TLK1: variants seen among roughly 807,000 people sequenced by gnomAD.
TLK1 encodes tousled like kinase 1, also known as serine/threonine-protein kinase tousled-like 1.
In TLK1, 24 loss-of-function variants were observed where a neutral mutation model predicts 105.3. The ratio of observed to expected loss-of-function variants is 0.23; its 90% CI spans 0.17 to 0.32. The LOEUF is 0.32. Among genes scored for constraint, TLK1 ranks in the 10% least tolerant of loss-of-function variants. The pLI, the probability that TLK1 is intolerant of heterozygous loss-of-function variation, is 1.00. For missense variants in TLK1, 558 were observed against 910.5 expected, an observed-to-expected ratio of 0.61 and a Z score of 4.98; for synonymous variants, 321 against 310.4, an observed-to-expected ratio of 1.03 and a Z score of -0.36.
intron 1 of TLK1, among the ~76,000 whole-genome samples, chr2:171,187,932 A>G (rs993555380): frequency 5.9e-5 from 9 of 152,230 alleles, no homozygotes; most frequent in Non-Finnish European, 1.2e-4. Context: ...CTACAATAAA[A>G]AGAAACTTCA....
At chr2:171,202,344 C>A (rs192378574) in intron 1 of TLK1, among the ~76,000 whole-genome samples, 3 of 151,902 alleles carry the variant, frequency 2.0e-5, no homozygotes, top group Admixed American at 2.0e-4. Context: ...CCCAGCTACT[C>A]GGGAGGCTGA....
In TLK1 at chr2:171,139,159, G is replaced by T. The variant is rs557217515; in HGVS notation, c.139+21131C>A. Among the ~76,000 whole-genome samples the T allele has an allele frequency of 2.6e-5, 4 of 152,078 alleles. No individual in the cohort carries two copies. The East Asian group carries it at 7.7e-4, about 29-fold the overall frequency. On this transcript the variant is annotated intron_variant, in intron 1 of 20. Transcript: ENST00000431350. The stretch of plus-strand genomic sequence containing the variant: ...AAAATACCCAGCATTAAAGGAATAG[G>T]ATATATATATACACACACATATTAT...
intron 12 of TLK1, among the ~76,000 whole-genome samples, chr2:171,023,748 A>AT (rs1685643536): frequency 6.6e-6 from 1 of 152,182 alleles, no homozygotes; most frequent in African/African-American, 2.4e-5. Flanking sequence ...AAGGAAGTTG[A>AT]TTTTGCAGGG....
At chr2:171,128,752 G>A (rs1311115975) in intron 1 of TLK1, among the ~76,000 whole-genome samples, 1 of 151,204 alleles carries the variant, frequency 6.6e-6, no homozygotes, top group Non-Finnish European at 1.5e-5. Context: ...ACATGTACAT[G>A]TATATATATA....
At position 171,142,446 on chromosome 2, in the gene TLK1, TGC is replaced by T. The variant is rs879850739; in HGVS notation, c.139+17842_139+17843del. ...TGAAAGAATGGAAAAAGCTGTAGCATGCAAACACCAAATGAAAGTTAGTGTAT... is the reference window on the plus strand; with the variant it reads ...TGAAAGAATGGAAAAAGCTGTAGCATAAACACCAAATGAAAGTTAGTGTAT... On this transcript the variant is annotated intron_variant, in intron 1 of 20. Coordinates refer to ENST00000431350, the MANE Select transcript of TLK1 (RefSeq NM_012290.5). Among the ~76,000 whole-genome samples, 152 of 152,284 alleles carry T rather than the reference TGC, an allele frequency of 1.0e-3. 1 individual carries two copies. Among genetic ancestry groups the T allele is most frequent in the Middle Eastern group, 6.8e-3 (2 of 294 alleles).
Position 171,012,467 on chromosome 2 carries a change from C to G in TLK1, c.1335-1013G>C, listed in dbSNP as rs554935044. ...AAGTCAGCTTTGCAATACTAATACA[C>G]TGTATTTTTATTTATTTATTTATTT... On this transcript the variant is annotated intron_variant, in intron 13 of 20. Transcript: ENST00000431350. 1.4e-3 allele frequency among the ~76,000 whole-genome samples: 210 copies of G among 152,194 alleles called. 1 individual carries two copies. Among genetic ancestry groups the G allele is most frequent in the South Asian group, 2.3e-3 (11 of 4,826 alleles).
chr2:171,219,030 A>G lies in TLK1; in HGVS notation c.-6+12115T>C, dbSNP rs569294379. Among the ~76,000 whole-genome samples the G allele has an allele frequency of 1.6e-4, 25 of 152,320 alleles. No individual in the cohort carries two copies. In the South Asian group the frequency reaches 2.5e-3, roughly 15 times the overall value. ...AAAATAAGGTGCAAGAATATGCCCAAGATCACAATGATAGATTCAAATCCA... is the reference window on the plus strand; with the variant it reads ...AAAATAAGGTGCAAGAATATGCCCAGGATCACAATGATAGATTCAAATCCA... On this transcript the variant is annotated intron_variant, in intron 1 of 20. Transcript: ENST00000521943.
At chr2:171,158,706 A>G (rs546237360) in intron 1 of TLK1, among the ~76,000 whole-genome samples, 1 of 152,376 alleles carries the variant, frequency 6.6e-6, no homozygotes, top group South Asian at 2.1e-4. Flanking sequence ...AACTACAAAC[A>G]AAAGTAAAAG....
chr2:171,074,661 G>GA (rs1688421163), intron 3 of TLK1, among the ~76,000 whole-genome samples: 1 of 145,702 alleles, frequency 6.9e-6, no homozygotes, highest in African/African-American at 2.5e-5. Flanking sequence ...AAAGAAAGAA[G>GA]AAAAAACCAA....
chr2:171,073,221 A>G (rs1033435343), intron 3 of TLK1, among the ~76,000 whole-genome samples: 10 of 152,090 alleles, frequency 6.6e-5, no homozygotes. Context: ...CCCTTGTCTG[A>G]CTGCTCTAGC....
intron 1 of TLK1, among the ~76,000 whole-genome samples, chr2:171,197,396 C>G (rs58520241): frequency 0.026 from 3,941 of 152,168 alleles, 149 homozygotes; most frequent in South Asian, 0.11. Context: ...GATAACAGTA[C>G]AGAACTATAG....
At chr2:171,050,535 T>G (rs1192025362) in intron 8 of TLK1, among the ~76,000 whole-genome samples, 1 of 148,484 alleles carries the variant, frequency 6.7e-6, no homozygotes, top group Non-Finnish European at 1.5e-5. Context: ...GTATATAAAG[T>G]GTCTATCACT....
intron 2 of TLK1, among the ~76,000 whole-genome samples, chr2:171,099,114 G>T (rs1037400856): frequency 6.6e-6 from 1 of 152,038 alleles, no homozygotes; most frequent in Non-Finnish European, 1.5e-5. Context: ...AATACTAAAG[G>T]TAAATACAGT....
At chr2:171,090,519 T>C (rs1167822754) in intron 2 of TLK1, among the ~76,000 whole-genome samples, 3 of 152,242 alleles carry the variant, frequency 2.0e-5, no homozygotes. Context: ...ATTCTAAATG[T>C]AGTGAGGAAG....
At chr2:171,150,555 A>G (rs769805669) in intron 1 of TLK1, among the ~76,000 whole-genome samples, 12 of 152,190 alleles carry the variant, frequency 7.9e-5, no homozygotes, top group Non-Finnish European at 1.8e-4. Flanking sequence ...CCAGGTTCCA[A>G]TGATTGGTTA....
At chr2:171,067,175 T>C (rs1443625668) in intron 3 of TLK1, among the ~76,000 whole-genome samples, 1 of 151,576 alleles carries the variant, frequency 6.6e-6, no homozygotes, top group Non-Finnish European at 1.5e-5. Context: ...TTTTTTTTTT[T>C]CTGAGACAGA....
Position 171,103,264 on chromosome 2 carries a change from T to TTATATATATATATATATATATATATA in TLK1, c.258+14474_258+14475insTATATATATATATATATATATATATA, listed in dbSNP as rs571890429. On this transcript the variant is annotated intron_variant, in intron 2 of 20. Coordinates refer to ENST00000431350, the MANE Select transcript of TLK1 (RefSeq NM_012290.5). ...GTTAAGAAAAAAATTGATCTCAAATTTATATATATATATATATAATTTTTT... is the reference window on the plus strand; with the variant it reads ...GTTAAGAAAAAAATTGATCTCAAATTTATATATATATATATATATATATATATATATATATATATATATAATTTTTT... Among the ~76,000 whole-genome samples the TTATATATATATATATATATATATATA allele has an allele frequency of 4.0e-3, 539 of 136,272 alleles. 13 individuals are homozygous for TTATATATATATATATATATATATATA. Among genetic ancestry groups the TTATATATATATATATATATATATATA allele is most frequent in the Admixed American group, 6.6e-3 (92 of 13,858 alleles). 89.4% of individuals were successfully genotyped at this position (136,272 alleles called of 152,430 possible).
intron 1 of TLK1, among the ~76,000 whole-genome samples, chr2:171,186,102 T>C (rs551278276): frequency 4.6e-5 from 7 of 152,354 alleles, no homozygotes; most frequent in African/African-American, 1.4e-4. Context: ...CTTTCCTCCG[T>C]TGAACAAATT....
At chr2:171,187,130 A>G (rs1480971209) in intron 1 of TLK1, among the ~76,000 whole-genome samples, 3 of 150,292 alleles carry the variant, frequency 2.0e-5, no homozygotes, top group Non-Finnish European at 4.4e-5. Flanking sequence ...AAATCCAGGC[A>G]CTTCTTTTTA....
Sources: gnomAD v4.1 joint callset for allele counts (sites outside exome capture counted in the v4.1 genomes callset) on GRCh38, gnomAD v4.1.1 for gene constraint, MANE v1.5 for transcripts, NCBI Gene and HGNC (gene_info 2026-07-23, HGNC 2026-07-21) for gene names.